Variants in IFNG-AS1 observed in about 807,000 individuals in gnomAD.
The protein encoded by IFNG-AS1 is IFNG regulatory antisense RNA 1.
chr12:68,020,969 G>A (rs1285591200), intron 4 of IFNG-AS1: 3 of 152,094 alleles, frequency 2.0e-5, no homozygotes, highest in South Asian at 2.1e-4. Context: ...CAGGAAGCTG[G>A]GTAATTGAAT....
At chr12:67,995,615 G>A (rs1263957656) in intron 1 of IFNG-AS1, among the ~76,000 whole-genome samples, 10 of 150,052 alleles carry the variant, frequency 6.7e-5, no homozygotes, top group Non-Finnish European at 1.2e-4. Flanking sequence ...CCAGCTATTC[G>A]GAAGGCTGAG....
At chr12:68,014,252 T>A (rs1201682250) in intron 3 of IFNG-AS1, among the ~76,000 whole-genome samples, 1 of 152,236 alleles carries the variant, frequency 6.6e-6, no homozygotes, top group African/African-American at 2.4e-5. Context: ...TATAAACGTG[T>A]GTGCAAGTAT....
chr12:68,002,260 G>C (rs1249030178), intron 2 of IFNG-AS1, among the ~76,000 whole-genome samples: 1 of 152,204 alleles, frequency 6.6e-6, no homozygotes, highest in Non-Finnish European at 1.5e-5. Flanking sequence ...GGTCATGGGG[G>C]GAGTGGCGAG....
At chr12:68,015,230 G>A (rs1315388325) in intron 3 of IFNG-AS1, among the ~76,000 whole-genome samples, 1 of 152,102 alleles carries the variant, frequency 6.6e-6, no homozygotes, top group East Asian at 1.9e-4. Flanking sequence ...TCAACTCGGG[G>A]CTGGATTATG....
chr12:68,004,532 C>G (rs1879863897), intron 2 of IFNG-AS1, among the ~76,000 whole-genome samples: 1 of 152,230 alleles, frequency 6.6e-6, no homozygotes, highest in African/African-American at 2.4e-5. Context: ...GGTCCCCTCC[C>G]AGCTGATGTG....
chr12:68,001,709 GCAAA>G (rs1360651714), intron 2 of IFNG-AS1, among the ~76,000 whole-genome samples: 1 of 152,120 alleles, frequency 6.6e-6, no homozygotes, highest in Non-Finnish European at 1.5e-5. Flanking sequence ...AAGAAGTAGG[GCAAA>G]CAATGTCCAC....
At chr12:67,994,357 G>A (rs895854851) in intron 1 of IFNG-AS1, among the ~76,000 whole-genome samples, 5 of 152,266 alleles carry the variant, frequency 3.3e-5, no homozygotes, top group African/African-American at 9.6e-5. Flanking sequence ...TCAACGCATC[G>A]TTACATCCAT....
chr12:67,992,220 C>A (rs906678012), intron 1 of IFNG-AS1, among the ~76,000 whole-genome samples: 1 of 152,162 alleles, frequency 6.6e-6, no homozygotes, highest in African/African-American at 2.4e-5. Context: ...CTTTGCATTT[C>A]TTTTAATATC....
intron 3 of IFNG-AS1, among the ~76,000 whole-genome samples, chr12:68,006,433 A>G (rs1184134862): frequency 3.9e-5 from 6 of 152,210 alleles, no homozygotes; most frequent in African/African-American, 1.4e-4. Flanking sequence ...GTCAAATTCT[A>G]ATGAAACCAT....
At chr12:68,003,424 CCTTT>C (rs1879821684) in intron 2 of IFNG-AS1, among the ~76,000 whole-genome samples, 2 of 136,500 alleles carry the variant, frequency 1.5e-5, no homozygotes, top group Non-Finnish European at 3.1e-5. Context: ...CATATTCCCC[CCTTT>C]TTTTTTTTTT....
intron 2 of IFNG-AS1, among the ~76,000 whole-genome samples, chr12:67,997,215 A>G (rs2860609): frequency 0.62 from 94,100 of 151,882 alleles, 29,592 homozygotes; most frequent in Middle Eastern, 0.69. Flanking sequence ...GAAAAACTAG[A>G]AGGAAGAACT....
At chr12:68,003,634 G>A (rs1351605993) in intron 2 of IFNG-AS1, among the ~76,000 whole-genome samples, 1 of 152,114 alleles carries the variant, frequency 6.6e-6, no homozygotes, top group Admixed American at 6.5e-5. Context: ...TCCGTATTAG[G>A]CCGGGCGTGG....
intron 3 of IFNG-AS1, among the ~76,000 whole-genome samples, chr12:68,016,957 T>G (rs2120480393): frequency 6.6e-6 from 1 of 152,266 alleles, no homozygotes; most frequent in Non-Finnish European, 1.5e-5. Flanking sequence ...CTTTCAAGCT[T>G]GTGTTGGGGA....
intron 3 of IFNG-AS1, among the ~76,000 whole-genome samples, chr12:68,019,007 A>G (rs543563885): frequency 6.6e-6 from 1 of 152,202 alleles, no homozygotes; most frequent in East Asian, 1.9e-4. Context: ...ACCTCCATAA[A>G]GTGTGCAGGA....
chr12:68,002,697 C>T (rs1185840026), intron 2 of IFNG-AS1, among the ~76,000 whole-genome samples: 3 of 152,174 alleles, frequency 2.0e-5, no homozygotes, highest in Non-Finnish European at 4.4e-5. Context: ...ATATCATTTC[C>T]CGCCTGCTCC....
At chr12:68,008,159 G>A (rs528830319) in intron 3 of IFNG-AS1, among the ~76,000 whole-genome samples, 154 of 152,294 alleles carry the variant, frequency 1.0e-3, no homozygotes, top group Admixed American at 2.0e-3. Context: ...GCTCATGCCT[G>A]TAATCCCAGC....
chr12:68,018,225 C>G (rs1294402112), intron 3 of IFNG-AS1, among the ~76,000 whole-genome samples: 1 of 152,082 alleles, frequency 6.6e-6, no homozygotes, highest in Non-Finnish European at 1.5e-5. Context: ...TTTTGGTCTT[C>G]TGAACAAGAC....
At chr12:68,006,474 G>A (rs1565689924) in intron 3 of IFNG-AS1, among the ~76,000 whole-genome samples, 1 of 152,102 alleles carries the variant, frequency 6.6e-6, no homozygotes, top group Admixed American at 6.5e-5. Flanking sequence ...CACTCATGAA[G>A]GAAGGGATCA....
intron 1 of IFNG-AS1, chr12:67,995,842 A>T (rs1879630050): frequency 6.6e-6 from 1 of 152,214 alleles, no homozygotes; most frequent in African/African-American, 2.4e-5. Flanking sequence ...AATCATTTCC[A>T]TAAAGAGTAG....
Sources: allele counts gnomAD v4.1 joint callset (sites outside exome capture counted in the v4.1 genomes callset), GRCh38; gene constraint gnomAD v4.1.1; transcripts MANE v1.5; gene names NCBI Gene and HGNC (gene_info 2026-07-23, HGNC 2026-07-21).